The following COG6 variants were observed in gnomAD, a reference collection of about 807,000 sequenced individuals.
The protein encoded by COG6 is component of oligomeric golgi complex 6.
A neutral mutation model predicts 88.8 loss-of-function variants in COG6; 74 were observed. The observed-to-expected ratio is 0.83, with a 90% CI of 0.69 to 1.01. COG6 has a LOEUF of 1.01. COG6 is among the 50% of genes least tolerant of loss of function. The probability of loss-of-function intolerance (pLI) is 0.00; values close to 1 mark genes in which losing one functional copy is unlikely to be tolerated. For missense variants in COG6, 800 were observed against 797.9 expected (o/e 1.00, Z -0.03); for synonymous variants, 286 against 278.7 (o/e 1.03, Z -0.26).
chr13:39,670,648 C>T (rs993486885), intron 4 of COG6, among the ~76,000 whole-genome samples: 1 of 151,882 alleles, frequency 6.6e-6, no homozygotes, highest in Non-Finnish European at 1.5e-5. Flanking sequence ...AAGACTGTTG[C>T]CCCTCCCTAG....
intron 13 of COG6, among the ~76,000 whole-genome samples, chr13:39,705,972 A>AT (rs928169911): frequency 2.0e-4 from 31 of 151,834 alleles, no homozygotes; most frequent in African/African-American, 5.3e-4. Context: ...AGAAAACCAA[A>AT]TTTTTTTTAT....
At chr13:39,681,466 A>C (rs994710404) in intron 7 of COG6, among the ~76,000 whole-genome samples, 1 of 152,136 alleles carries the variant, frequency 6.6e-6, no homozygotes, top group African/African-American at 2.4e-5. Context: ...GTGGTTCCCA[A>C]CTGTGGGCTC....
chr13:39,675,021 T>C (rs532282195), intron 4 of COG6, among the ~76,000 whole-genome samples: 2 of 152,168 alleles, frequency 1.3e-5, no homozygotes, highest in Non-Finnish European at 2.9e-5. Flanking sequence ...ATGGATCATT[T>C]TGTTAGTACA....
chr13:39,772,129 G>T (rs746521698), intron 18 of COG6, among the ~76,000 whole-genome samples: 2 of 152,180 alleles, frequency 1.3e-5, no homozygotes, highest in African/African-American at 2.4e-5. Flanking sequence ...GCATGTATCG[G>T]AAGATATGTG....
intron 18 of COG6, among the ~76,000 whole-genome samples, chr13:39,760,682 TA>T (rs1380251376): frequency 6.6e-6 from 1 of 152,104 alleles, no homozygotes; most frequent in Non-Finnish European, 1.5e-5. Flanking sequence ...CTGCAAGTGG[TA>T]AATCATTAGC....
intron 18 of COG6, among the ~76,000 whole-genome samples, chr13:39,759,408 G>GT (rs920471752): frequency 6.6e-6 from 1 of 152,022 alleles, no homozygotes; most frequent in African/African-American, 2.4e-5. Context: ...ATATTTACCA[G>GT]TTTTTTTATA....
intron 11 of COG6, among the ~76,000 whole-genome samples, chr13:39,690,983 T>C (rs970911127): frequency 6.6e-6 from 1 of 151,854 alleles, no homozygotes; most frequent in Non-Finnish European, 1.5e-5. Context: ...CTTTTATACC[T>C]TTTTATAACT....
At chr13:39,745,197 G>A (rs903286612) in intron 18 of COG6, among the ~76,000 whole-genome samples, 2 of 152,004 alleles carry the variant, frequency 1.3e-5, no homozygotes, top group Non-Finnish European at 2.9e-5. Flanking sequence ...ACTTCATGAC[G>A]AAAACACCAA....
At chr13:39,766,274 A>G (rs1189004244) in intron 18 of COG6, among the ~76,000 whole-genome samples, 1 of 152,156 alleles carries the variant, frequency 6.6e-6, no homozygotes, top group African/African-American at 2.4e-5. Context: ...CCACTTGGCA[A>G]CTTGAAAGGA....
intron 5 of COG6, among the ~76,000 whole-genome samples, chr13:39,679,116 A>G (rs1177639669): frequency 6.6e-6 from 1 of 152,154 alleles, no homozygotes; most frequent in Admixed American, 6.5e-5. Flanking sequence ...GGGAGCAATA[A>G]TGAGTATACA....
Position 39,724,554 on chromosome 13 carries a change from C to T in COG6, c.1739C>T (p.Ala580Val), listed in dbSNP as rs760512280. Residue 580 changes from alanine to valine, a missense_variant, in exon 17 of 19, where the codon GCT becomes GTT. Ala to Val is a moderately conservative substitution (Grantham distance 64). Transcript: ENST00000455146. ...MPNLDSVTLK[A>V]AMVQFDRYLS... Reference sequence around the variant, plus strand: ...AACCTAGATTCTGTGACACTGAAGGCTGCAATGGTAAGTGTATAATAAAAC... The same window carrying T: ...AACCTAGATTCTGTGACACTGAAGGTTGCAATGGTAAGTGTATAATAAAAC... 6.3e-7 allele frequency: 1 copy of T among 1,588,400 alleles called. No individual in the cohort carries two copies. Among genetic ancestry groups the T allele is most frequent in the Admixed American group, 1.7e-5 (1 of 59,152 alleles).
chr13:39,739,543 A>G (rs551834976), intron 18 of COG6, among the ~76,000 whole-genome samples: 1 of 152,266 alleles, frequency 6.6e-6, no homozygotes, highest in African/African-American at 2.4e-5. Context: ...AATCATTTAA[A>G]AAAATCAAAC....
Position 39,699,554 on chromosome 13 carries a change from A to G in COG6, c.1220A>G (p.His407Arg). ...TTATTGACTACCATTGAAGAAATGC[A>G]TTTGCTAAGCAAAAAAATATTCTTC... ...TALLTTIEEM[H>R]LLSKKIFFNS... The change falls in exon 13 of 19, where the codon CAT becomes CGT. Residue 407 changes from histidine (H) to arginine (R), a missense_variant. Physicochemically the swap from His to Arg is conservative, Grantham distance 29. Transcript: ENST00000455146. 8 of 1,599,040 alleles carry G rather than the reference A, an allele frequency of 5.0e-6. No individual in the cohort carries two copies. The highest frequency in any genetic ancestry group is 6.9e-6 in the Non-Finnish European group (8 of 1,167,294).
chr13:39,770,401 T>C (rs965847154), intron 18 of COG6, among the ~76,000 whole-genome samples: 10 of 152,186 alleles, frequency 6.6e-5, no homozygotes, highest in African/African-American at 2.4e-4. Flanking sequence ...GCCTCCTCAC[T>C]GAGGTCCTCA....
intron 18 of COG6, among the ~76,000 whole-genome samples, chr13:39,730,782 A>AAAAAAAAAAAAAAAAAC: frequency 6.9e-6 from 1 of 145,974 alleles, no homozygotes; most frequent in Non-Finnish European, 1.5e-5. Flanking sequence ...TCAAAAAAAA[A>AAAAAAAAAAAAAAAAAC]AAAAAAAAAA....
intron 12 of COG6, among the ~76,000 whole-genome samples, chr13:39,696,441 G>A (rs1457829837): frequency 6.6e-6 from 1 of 151,752 alleles, no homozygotes; most frequent in African/African-American, 2.4e-5. Context: ...TGTTTTTGAG[G>A]CCATTCGATA....
At chr13:39,777,170 G>T (rs1409847067) in intron 18 of COG6, among the ~76,000 whole-genome samples, 2 of 152,132 alleles carry the variant, frequency 1.3e-5, no homozygotes, top group Non-Finnish European at 2.9e-5. Context: ...CTGTTGGCAG[G>T]GCCTTATAAT....
At chr13:39,706,757 C>T (rs533722468) in intron 13 of COG6, among the ~76,000 whole-genome samples, 67 of 150,942 alleles carry the variant, frequency 4.4e-4, no homozygotes, top group Admixed American at 2.1e-3. Flanking sequence ...GATCTCGGCT[C>T]ACTGCAACCT....
At chr13:39,707,983 C>A (rs1878034463) in intron 13 of COG6, among the ~76,000 whole-genome samples, 1 of 151,970 alleles carries the variant, frequency 6.6e-6, no homozygotes, top group Admixed American at 6.6e-5. Context: ...AGTAATTGTC[C>A]TAGATCACTT....
Sources: allele counts gnomAD v4.1 joint callset (sites outside exome capture counted in the v4.1 genomes callset), GRCh38; gene constraint gnomAD v4.1.1; transcripts MANE v1.5; gene names NCBI Gene and HGNC (gene_info 2026-07-23, HGNC 2026-07-21).